The following RAB3C variants were observed in gnomAD, a reference collection of about 807,000 sequenced individuals.
The protein encoded by RAB3C is RAB3C, member RAS oncogene family.
Under a neutral mutation model 26.4 loss-of-function variants are expected in RAB3C, and 17 were observed. The observed-to-expected ratio is 0.64, with a 90% CI of 0.44 to 0.97. RAB3C has a LOEUF of 0.97. RAB3C is among the 50% of genes least tolerant of loss of function. RAB3C has a pLI of 0.00. For missense variants in RAB3C, 242 were observed against 281.9 expected, an observed-to-expected ratio of 0.86 and a Z score of 1.01; for synonymous variants, 91 against 95.9, an observed-to-expected ratio of 0.95 and a Z score of 0.30.
rs1299560188 is a variant in RAB3C at position 58,858,738 on chromosome 5, C to A, written c.*7387C>A. 1 of 152,208 alleles carries A rather than the reference C, an allele frequency of 6.6e-6. No individual in the cohort carries two copies. Among genetic ancestry groups the A allele is most frequent in the Non-Finnish European group, 1.5e-5 (1 of 68,034 alleles). The allele number at this position is 152,208 out of a possible 1,614,324, so 9.4% of individuals were successfully genotyped here. On this transcript the variant is annotated 3_prime_UTR_variant, in exon 5 of 5. Transcript: ENST00000282878. ...TTTTCTTAAGACAGCCAAACTGGCC[C>A]TTTGAAACCATTCAAATTACCCCAG...
intron 3 of RAB3C, among the ~76,000 whole-genome samples, chr5:58,794,697 C>T (rs1742604625): frequency 6.6e-6 from 1 of 152,108 alleles, no homozygotes; most frequent in Non-Finnish European, 1.5e-5. Flanking sequence ...TGCTTTAATT[C>T]TCGTAACGTC....
At chr5:58,608,159 C>T (rs897206729) in intron 1 of RAB3C, among the ~76,000 whole-genome samples, 1 of 152,070 alleles carries the variant, frequency 6.6e-6, no homozygotes, top group Non-Finnish European at 1.5e-5. Context: ...AGAGTCCAAA[C>T]CCATCAGTGT....
chr5:58,628,670 A>G (rs1186491573), intron 2 of RAB3C, among the ~76,000 whole-genome samples: 1 of 81,810 alleles, frequency 1.2e-5, no homozygotes, highest in Non-Finnish European at 2.2e-5. Flanking sequence ...AGTTCACAAA[A>G]CTTAGTCCCC....
At chr5:58,845,485 AG>A (rs1743968768) in intron 4 of RAB3C, among the ~76,000 whole-genome samples, 1 of 151,456 alleles carries the variant, frequency 6.6e-6, no homozygotes, top group Non-Finnish European at 1.5e-5. Flanking sequence ...ATTTTGTGGT[AG>A]GGGATTCTGC....
At chr5:58,813,494 A>C (rs1430307409) in intron 3 of RAB3C, among the ~76,000 whole-genome samples, 1 of 151,362 alleles carries the variant, frequency 6.6e-6, no homozygotes, top group Non-Finnish European at 1.5e-5. Flanking sequence ...CACAGTGCTT[A>C]CCACCCTTTC....
At chr5:58,807,651 A>G (rs1465517769) in intron 3 of RAB3C, among the ~76,000 whole-genome samples, 1 of 152,090 alleles carries the variant, frequency 6.6e-6, no homozygotes, top group Non-Finnish European at 1.5e-5. Context: ...TTATAAAGGG[A>G]TTAAAACTAC....
intron 2 of RAB3C, among the ~76,000 whole-genome samples, chr5:58,654,338 TAA>T (rs1206907581): frequency 3.9e-5 from 6 of 152,190 alleles, no homozygotes; most frequent in Admixed American, 1.3e-4. Context: ...CTTAGCAAGT[TAA>T]GTTATATTTT....
intron 2 of RAB3C, among the ~76,000 whole-genome samples, chr5:58,618,781 C>G (rs1259567581): frequency 6.6e-6 from 1 of 152,058 alleles, no homozygotes. Flanking sequence ...TTTTCCTATT[C>G]CTTTGTACCT....
intron 3 of RAB3C, among the ~76,000 whole-genome samples, chr5:58,821,523 G>C (rs562005552): frequency 1.2e-4 from 19 of 152,250 alleles, no homozygotes; most frequent in African/African-American, 4.6e-4. Flanking sequence ...GTGTACATAA[G>C]ATTAAGTGAG....
chr5:58,797,358 GTATATATATAATATATATATATA>G (rs1354126823), intron 3 of RAB3C, among the ~76,000 whole-genome samples: 5 of 26,290 alleles, frequency 1.9e-4, no homozygotes, highest in African/African-American at 8.8e-4. Flanking sequence ...AAAAAAATAT[GTATATATATAATATATATATATA>G]TATATATATA....
At chr5:58,835,300 A>G (rs970099882) in intron 4 of RAB3C, among the ~76,000 whole-genome samples, 11 of 152,114 alleles carry the variant, frequency 7.2e-5, no homozygotes, top group Non-Finnish European at 1.5e-4. Context: ...CCACTAATCT[A>G]GGTGTTCTTT....
At chr5:58,807,398 C>G (rs564610102) in intron 3 of RAB3C, among the ~76,000 whole-genome samples, 1 of 152,246 alleles carries the variant, frequency 6.6e-6, no homozygotes, top group African/African-American at 2.4e-5. Context: ...CATTGAAAGC[C>G]CCATGCTAAG....
chr5:58,666,148 G>GT (rs1747997715), intron 2 of RAB3C, among the ~76,000 whole-genome samples: 1 of 152,174 alleles, frequency 6.6e-6, no homozygotes, highest in Non-Finnish European at 1.5e-5. Context: ...TGAAACAATA[G>GT]TAGACAGCTA....
intron 2 of RAB3C, among the ~76,000 whole-genome samples, chr5:58,682,601 G>A (rs1210634793): frequency 6.6e-6 from 1 of 151,732 alleles, no homozygotes; most frequent in African/African-American, 2.4e-5. Flanking sequence ...GGAGAATGGC[G>A]TGAACCCGGG....
chr5:58,720,158 G>C (rs1236404247), intron 2 of RAB3C, among the ~76,000 whole-genome samples: 3 of 151,764 alleles, frequency 2.0e-5, no homozygotes, highest in Non-Finnish European at 4.4e-5. Flanking sequence ...AATAAATGGT[G>C]ATATTACTTG....
chr5:58,666,973 T>A (rs1468198183), intron 2 of RAB3C, among the ~76,000 whole-genome samples: 2 of 152,186 alleles, frequency 1.3e-5, no homozygotes, highest in Non-Finnish European at 2.9e-5. Flanking sequence ...AGACAACCAA[T>A]TGCCATTAAT....
intron 2 of RAB3C, among the ~76,000 whole-genome samples, chr5:58,700,351 C>T (rs904803570): frequency 3.9e-5 from 6 of 152,266 alleles, no homozygotes; most frequent in Non-Finnish European, 5.9e-5. Context: ...TACATGTTCA[C>T]GTTCTGTGAT....
chr5:58,802,471 T>C (rs1742832522), intron 3 of RAB3C, among the ~76,000 whole-genome samples: 1 of 152,196 alleles, frequency 6.6e-6, no homozygotes, highest in Non-Finnish European at 1.5e-5. Flanking sequence ...AAATGTCAAC[T>C]CATACCTAAC....
rs1262409931 is a variant in RAB3C at position 58,856,328 on chromosome 5, C to A, written c.*4977C>A. 7.5e-5 allele frequency: 6 copies of A among 80,418 alleles called. No homozygotes were observed. The East Asian group carries it at 1.3e-3, about 18-fold the overall frequency. 5.0% of individuals were successfully genotyped at this position (80,418 alleles called of 1,614,324 possible). On this transcript the variant is annotated 3_prime_UTR_variant, in exon 5 of 5. Transcript: ENST00000282878. ...ATAACAGAAATGAGTCATTTTAAAACCTCACTCAGAGCTCGAGTGTTAAGA... is the reference window on the plus strand; with the variant it reads ...ATAACAGAAATGAGTCATTTTAAAAACTCACTCAGAGCTCGAGTGTTAAGA...
Sources: allele counts gnomAD v4.1 joint callset (sites outside exome capture counted in the v4.1 genomes callset), GRCh38; gene constraint gnomAD v4.1.1; transcripts MANE v1.5; gene names NCBI Gene and HGNC (gene_info 2026-07-23, HGNC 2026-07-21).